PDE1C: variants seen among roughly 807,000 people sequenced by gnomAD.
PDE1C encodes the protein dual specificity calcium/calmodulin-dependent 3',5'-cyclic nucleotide phosphodiesterase 1C.
A neutral mutation model predicts 93.1 loss-of-function variants in PDE1C; 62 were observed. The ratio of observed to expected loss-of-function variants is 0.67; its 90% CI spans 0.54 to 0.82. The LOEUF is 0.82. Among genes scored for constraint, PDE1C ranks in the 40% least tolerant of loss-of-function variants. PDE1C has a pLI of 0.00. For synonymous variants in PDE1C, 325 were observed against 310.1 expected (o/e 1.05, Z -0.50); for missense variants, 742 against 884.6 (o/e 0.84, Z 2.04).
At chr7:32,062,675 G>C (rs1478823264) in intron 1 of PDE1C, among the ~76,000 whole-genome samples, 2 of 152,128 alleles carry the variant, frequency 1.3e-5, no homozygotes, top group Non-Finnish European at 2.9e-5. Context: ...CGTCACAGCA[G>C]GTAGTAATTT....
intron 2 of PDE1C, among the ~76,000 whole-genome samples, chr7:32,209,118 AGG>A (rs1412593748): frequency 1.3e-5 from 2 of 152,238 alleles, no homozygotes; most frequent in African/African-American, 4.8e-5. Flanking sequence ...TAATGTGAAC[AGG>A]CATCCCCTGT....
chr7:31,958,054 T>C (rs1189425243), intron 2 of PDE1C, among the ~76,000 whole-genome samples: 1 of 152,216 alleles, frequency 6.6e-6, no homozygotes. Flanking sequence ...TTAAATGAAA[T>C]GCTTCTTCTG....
At chr7:32,144,789 C>T (rs914523774) in intron 3 of PDE1C, among the ~76,000 whole-genome samples, 35 of 152,168 alleles carry the variant, frequency 2.3e-4, no homozygotes, top group African/African-American at 7.7e-4. Flanking sequence ...ATTCTTCGAG[C>T]TGCTGGGTCT....
chr7:32,116,968 C>T (rs992270140), intron 3 of PDE1C, among the ~76,000 whole-genome samples: 1 of 152,178 alleles, frequency 6.6e-6, no homozygotes, highest in Non-Finnish European at 1.5e-5. Flanking sequence ...CTATGACTTC[C>T]TGAACCATAT....
the PDE1C span, among the ~76,000 whole-genome samples, chr7:31,621,099 G>A: frequency 1.9e-3 from 288 of 152,020 alleles, no homozygotes; most frequent in Non-Finnish European, 3.4e-3. Flanking sequence ...AAGAAATATG[G>A]GACTATGTGA....
chr7:32,250,564 A>G (rs1416589364), intron 1 of PDE1C, among the ~76,000 whole-genome samples: 1 of 152,176 alleles, frequency 6.6e-6, no homozygotes, highest in Admixed American at 6.5e-5. Flanking sequence ...TACACTTTCT[A>G]TGAAATCACA....
rs185476523 is a variant in PDE1C at position 32,034,802 on chromosome 7, G to C, written c.128+16752C>G. Among the ~76,000 whole-genome samples the C allele has an allele frequency of 1.1e-3, 170 of 152,174 alleles. 2 individuals carry two copies. Among genetic ancestry groups the C allele is most frequent in the Admixed American group, 0.011 (170 of 15,278 alleles). ...ATTGAACCAAGCCCCATCATTTCCTGACCTTGGAAAGTTACTTATGATTAT... is the reference window on the plus strand; with the variant it reads ...ATTGAACCAAGCCCCATCATTTCCTCACCTTGGAAAGTTACTTATGATTAT... On this transcript the variant is annotated intron_variant, in intron 2 of 17. Coordinates refer to ENST00000396191, the MANE Select transcript of PDE1C (RefSeq NM_001191057.4).
chr7:32,064,020 T>G (rs17160851), intron 1 of PDE1C, among the ~76,000 whole-genome samples: 5,425 of 152,262 alleles, frequency 0.036, 117 homozygotes, highest in Middle Eastern at 0.075. Flanking sequence ...GCAATTCCAA[T>G]TGAATGGGAG....
intron 3 of PDE1C, among the ~76,000 whole-genome samples, chr7:32,132,496 C>CA (rs34749625): frequency 5.3e-5 from 8 of 151,256 alleles, no homozygotes; most frequent in African/African-American, 1.5e-4. Flanking sequence ...CCCATATCTA[C>CA]AAAAAAATAG....
At chr7:31,915,432 A>G (rs996446731) in intron 2 of PDE1C, among the ~76,000 whole-genome samples, 3 of 152,214 alleles carry the variant, frequency 2.0e-5, no homozygotes, top group Non-Finnish European at 4.4e-5. Context: ...GCAGCCTGCC[A>G]CCAAATAACC....
chr7:32,197,956 G>A (rs1254057918), intron 2 of PDE1C, among the ~76,000 whole-genome samples: 1 of 152,140 alleles, frequency 6.6e-6, no homozygotes, highest in Non-Finnish European at 1.5e-5. Flanking sequence ...TTTATAATAT[G>A]TGAATTATAT....
chr7:31,658,626 T>G, the PDE1C span: 2 of 245,486 alleles, frequency 8.1e-6, no homozygotes, highest in Non-Finnish European at 1.5e-5. Flanking sequence ...CTTGTTAAAT[T>G]GTTTTTCTTG....
chr7:31,668,023 T>G, the PDE1C span, among the ~76,000 whole-genome samples: 1 of 152,238 alleles, frequency 6.6e-6, no homozygotes, highest in South Asian at 2.1e-4. Context: ...CATTTTTACA[T>G]GTGAAAAGAG....
chr7:32,285,663 A>G (rs1361775280), intron 1 of PDE1C, among the ~76,000 whole-genome samples: 1 of 151,426 alleles, frequency 6.6e-6, no homozygotes, highest in African/African-American at 2.4e-5. Flanking sequence ...AGAAAGGGAG[A>G]AAAGGAACAG....
chr7:31,616,809 A>AAAAC, the PDE1C span, among the ~76,000 whole-genome samples: 2 of 152,158 alleles, frequency 1.3e-5, no homozygotes. Context: ...TGGTAGCATA[A>AAAAC]AAACATTAGA....
intron 3 of PDE1C, among the ~76,000 whole-genome samples, chr7:32,111,743 G>C (rs1798654279): frequency 6.6e-6 from 1 of 152,182 alleles, no homozygotes; most frequent in Non-Finnish European, 1.5e-5. Flanking sequence ...ACTATGTGGA[G>C]ATTGGTAGCT....
chr7:31,879,352 T>C, intron 3 of PDE1C, 174 bp from the exon 4 acceptor site: 1 of 591,390 alleles, frequency 1.7e-6, no homozygotes. Flanking sequence ...GCTCGCCATG[T>C]GTGTTTCGCG....
the PDE1C span, among the ~76,000 whole-genome samples, chr7:31,672,429 C>T: frequency 1.3e-5 from 2 of 152,142 alleles, no homozygotes; most frequent in Admixed American, 6.5e-5. Flanking sequence ...CAACAACAAC[C>T]TTACTCCATA....
At chr7:32,227,727 G>T (rs1807397303) in intron 1 of PDE1C, among the ~76,000 whole-genome samples, 2 of 152,174 alleles carry the variant, frequency 1.3e-5, no homozygotes, top group South Asian at 4.1e-4. Context: ...GTAAAATGAT[G>T]ATGTATGACT....
Sources: allele counts gnomAD v4.1 joint callset (sites outside exome capture counted in the v4.1 genomes callset), GRCh38; gene constraint gnomAD v4.1.1; transcripts MANE v1.5; gene names NCBI Gene and HGNC (gene_info 2026-07-23, HGNC 2026-07-21).